Variants in HMCN1 observed in about 807,000 individuals in gnomAD.
HMCN1 encodes hemicentin 1, also known as hemicentin-1.
In HMCN1, 321 loss-of-function variants were observed where a neutral mutation model predicts 625.9. That is an observed-to-expected ratio of 0.51 (90% CI 0.47 to 0.56). HMCN1 has a LOEUF of 0.56. Among genes scored for constraint, HMCN1 ranks in the 20% least tolerant of loss-of-function variants. The pLI is 0.00. For missense variants in HMCN1, 6,588 were observed against 6,887.3 expected (o/e 0.96, Z 1.54); for synonymous variants, 2,425 against 2,417.6 (o/e 1.00, Z -0.09).
At chr1:185,981,309 A>G (rs1651615568) in intron 17 of HMCN1, among the ~76,000 whole-genome samples, 1 of 151,764 alleles carries the variant, frequency 6.6e-6, no homozygotes, top group African/African-American at 2.4e-5. Context: ...TTCAAATCTA[A>G]ATATGAATAC....
intron 2 of HMCN1, among the ~76,000 whole-genome samples, chr1:185,858,667 T>C (rs1004890403): frequency 2.9e-5 from 4 of 139,092 alleles, no homozygotes; most frequent in African/African-American, 1.1e-4. Flanking sequence ...CACAGGCTGG[T>C]CTTAAGCTCC....
chr1:186,095,180 A>C, intron 67 of HMCN1, 63 bp from the exon 68 acceptor site: 1 of 1,479,042 alleles, frequency 6.8e-7, no homozygotes, highest in Non-Finnish European at 9.5e-7. Flanking sequence ...CAAATGTTTT[A>C]ATTTAAATTG....
At chr1:185,842,594 G>T (rs1571432582) in intron 1 of HMCN1, among the ~76,000 whole-genome samples, 2 of 152,008 alleles carry the variant, frequency 1.3e-5, no homozygotes, top group Non-Finnish European at 2.9e-5. Flanking sequence ...GCTGGGCATG[G>T]TAGCTCATAC....
At chr1:186,137,455 T>A in intron 87 of HMCN1, 43 bp from the exon 88 acceptor site, 1 of 1,598,140 alleles carries the variant, frequency 6.3e-7, no homozygotes, top group Non-Finnish European at 8.5e-7. Flanking sequence ...TTACAATGTT[T>A]TATTTGCAAA....
chr1:185,791,289 T>TA (rs1389769588), intron 1 of HMCN1, among the ~76,000 whole-genome samples: 3 of 151,950 alleles, frequency 2.0e-5, no homozygotes, highest in African/African-American at 7.3e-5. Flanking sequence ...GTTATGTGAA[T>TA]AAAATAAACT....
rs533173185 is a variant in HMCN1, at chr1:185,817,079, T to C, written c.269-28947T>C. Among the ~76,000 whole-genome samples, 76 of 152,274 alleles carry C rather than the reference T, an allele frequency of 5.0e-4. No homozygotes were observed. In the South Asian group the frequency reaches 0.01, roughly 21 times the overall value. On this transcript the variant is annotated intron_variant, in intron 1 of 106. Transcript: ENST00000271588. Reference sequence around the variant, plus strand: ...AATACTAATGAGTTTGCTTAGAGTTTATTCTGTACAAGGTGCTGTAGTAGG... The same window carrying C: ...AATACTAATGAGTTTGCTTAGAGTTCATTCTGTACAAGGTGCTGTAGTAGG...
At chr1:186,156,113 C>A (rs1651001863) in intron 97 of HMCN1, among the ~76,000 whole-genome samples, 1 of 151,906 alleles carries the variant, frequency 6.6e-6, no homozygotes, top group Non-Finnish European at 1.5e-5. Flanking sequence ...TCTTTAAAAT[C>A]TAACTTATTT....
intron 1 of HMCN1, among the ~76,000 whole-genome samples, chr1:185,831,377 G>A (rs1386135740): frequency 6.6e-6 from 1 of 152,024 alleles, no homozygotes; most frequent in Non-Finnish European, 1.5e-5. Context: ...TATTAACAGG[G>A]AATAGATATA....
intron 4 of HMCN1, among the ~76,000 whole-genome samples, chr1:185,868,095 G>C (rs1196207246): frequency 6.6e-6 from 1 of 151,542 alleles, no homozygotes; most frequent in African/African-American, 2.4e-5. Flanking sequence ...AAACAAATTG[G>C]GTTAAATTTA....
chr1:186,014,877 T>C (rs900753102), intron 30 of HMCN1, among the ~76,000 whole-genome samples: 5 of 152,196 alleles, frequency 3.3e-5, no homozygotes, highest in African/African-American at 1.2e-4. Flanking sequence ...CTTTGTTGGT[T>C]AAACATAACT....
At chr1:185,821,124 G>C (rs1178293535) in intron 1 of HMCN1, among the ~76,000 whole-genome samples, 1 of 151,860 alleles carries the variant, frequency 6.6e-6, no homozygotes, top group African/African-American at 2.4e-5. Flanking sequence ...TAAAGCAAAA[G>C]CTTAGAGATG....
intron 1 of HMCN1, among the ~76,000 whole-genome samples, chr1:185,740,546 G>A (rs1303828782): frequency 6.6e-6 from 1 of 152,172 alleles, no homozygotes; most frequent in Admixed American, 6.5e-5. Flanking sequence ...GATACCCAAT[G>A]TGTCAGTGTT....
intron 2 of HMCN1, among the ~76,000 whole-genome samples, chr1:185,862,180 G>A (rs947246580): frequency 6.6e-6 from 1 of 150,850 alleles, no homozygotes; most frequent in Non-Finnish European, 1.5e-5. Context: ...AGCAACAGGA[G>A]ATAGAAAGAT....
Position 185,997,509 on chromosome 1 carries a change from C to G in HMCN1, c.3859C>G (p.Pro1287Ala). ...ERVANQRIEF[P>A]CPAKGTPKPT... ...AGTGGCCAATCAACGCATTGAATTTCCATGTCCTGCAAAAGGTACGTAATA... is the reference window on the plus strand; with the variant it reads ...AGTGGCCAATCAACGCATTGAATTTGCATGTCCTGCAAAAGGTACGTAATA... Residue 1287 changes from proline (P) to alanine (A), a missense_variant, in exon 25 of 107, where the codon CCA becomes GCA. Transcript: ENST00000271588. 6.2e-7 allele frequency: 1 copy of G among 1,608,068 alleles called. No homozygotes were observed. Among genetic ancestry groups the G allele is most frequent in the Non-Finnish European group, 8.5e-7 (1 of 1,174,954 alleles).
chr1:185,989,772 ATTTTTTTTTT>A (rs1156913510), intron 21 of HMCN1, 125 bp downstream of exon 21: 3 of 536,082 alleles, frequency 5.6e-6, no homozygotes, highest in Non-Finnish European at 9.2e-6. Context: ...CCAGATTTCT[ATTTTTTTTTT>A]TTTTTTTTTT....
intron 97 of HMCN1, among the ~76,000 whole-genome samples, chr1:186,157,929 C>A (rs1392389209): frequency 6.6e-6 from 1 of 152,110 alleles, no homozygotes; most frequent in African/African-American, 2.4e-5. Flanking sequence ...ATAGCAGCAT[C>A]ATTTATAGTC....
chr1:185,824,899 T>C (rs1157106866), intron 1 of HMCN1, among the ~76,000 whole-genome samples: 1 of 152,158 alleles, frequency 6.6e-6, no homozygotes, highest in Admixed American at 6.5e-5. Context: ...GAAATCTTTC[T>C]GAGCAAGAGT....
At chr1:186,119,556 C>G (rs1661297440) in intron 78 of HMCN1, among the ~76,000 whole-genome samples, 189 bp from the exon 79 acceptor site, 1 of 152,126 alleles carries the variant, frequency 6.6e-6, no homozygotes, top group Admixed American at 6.5e-5. Flanking sequence ...TGGGGTTCTT[C>G]TAATGGAAAC....
chr1:186,149,285 G>A (rs1011842950), intron 93 of HMCN1, among the ~76,000 whole-genome samples: 1 of 152,222 alleles, frequency 6.6e-6, no homozygotes, highest in Non-Finnish European at 1.5e-5. Flanking sequence ...GTTGTTTAGT[G>A]TAGCCACCTT....
Sources: allele counts gnomAD v4.1 joint callset (sites outside exome capture counted in the v4.1 genomes callset), GRCh38; gene constraint gnomAD v4.1.1; transcripts MANE v1.5; gene names NCBI Gene and HGNC (gene_info 2026-07-23, HGNC 2026-07-21).